IL33: variants seen among roughly 807,000 people sequenced by gnomAD.
IL33 encodes the protein interleukin-33.
In IL33, 37 loss-of-function variants were observed where a neutral mutation model predicts 27.3. The observed-to-expected ratio is 1.36, with a 90% CI of 1.04 to 1.78. The LOEUF (loss-of-function observed/expected upper bound fraction) is 1.78, where lower values mean the gene tolerates loss of function less well. IL33 is among the 40% of genes most tolerant of loss of function. The pLI, the probability that IL33 is intolerant of heterozygous loss-of-function variation, is 0.00. For synonymous variants in IL33, 132 were observed against 102.9 expected, an observed-to-expected ratio of 1.28 and a Z score of -1.71; for missense variants, 406 against 311.4, an observed-to-expected ratio of 1.30 and a Z score of -2.29.
In IL33 at chr9:6,252,856, T is replaced by C; in HGVS notation, c.344-10T>C. ...TTGTGCCTGACAAATTTTTGAATTC[T>C]TAACAACAGGAATTTCACCTATTAC... On this transcript the variant is annotated splice_polypyrimidine_tract_variant and intron_variant, in intron 4 of 7. Coordinates refer to ENST00000682010, the MANE Select transcript of IL33 (RefSeq NM_033439.4). 1 of 1,596,734 alleles carries C rather than the reference T, an allele frequency of 6.3e-7. No homozygotes were observed. Among genetic ancestry groups the C allele is most frequent in the Non-Finnish European group, 8.5e-7 (1 of 1,175,968 alleles).
At chr9:6,243,935 G>C (rs7019575) in intron 2 of IL33, among the ~76,000 whole-genome samples, 55,362 of 152,028 alleles carry the variant, frequency 0.36, 11,256 homozygotes, top group East Asian at 0.48. Context: ...TTTGACTGTG[G>C]TTTCTGAACA....
At position 6,252,926 on chromosome 9, in the gene IL33, C is replaced by G; in HGVS notation, c.404C>G (p.Thr135Ser). Residue 135 changes from threonine to serine, a missense_variant, in exon 5 of 8, where the codon ACT (threonine) becomes AGT (serine). Physicochemically the swap from Thr to Ser is moderately conservative, Grantham distance 58. Coordinates refer to ENST00000682010, the MANE Select transcript of IL33 (RefSeq NM_033439.4). ...SLSTYNDQSI[T>S]FALEDESYEI... is the part of the protein sequence containing the mutation. ...AGCACATACAATGATCAATCCATTA[C>G]TTTTGCTTTGGAGGATGAAAGTTAT... The G allele has an allele frequency of 6.2e-7, 1 of 1,602,516 alleles. No individual in the cohort carries two copies. The highest frequency in any genetic ancestry group is 8.5e-7 in the Non-Finnish European group (1 of 1,171,026).
chr9:6,255,515 G>A (rs1816674090), intron 7 of IL33, among the ~76,000 whole-genome samples: 1 of 151,954 alleles, frequency 6.6e-6, no homozygotes, highest in Non-Finnish European at 1.5e-5. Flanking sequence ...GTCAACTGTT[G>A]CTATGTAACA....
At chr9:6,217,232 A>G (rs7850282) in intron 1 of IL33, among the ~76,000 whole-genome samples, 2,974 of 152,178 alleles carry the variant, frequency 0.02, 89 homozygotes, top group African/African-American at 0.067. Flanking sequence ...TAGTGATGTT[A>G]TTTACAGTAG....
At chr9:6,244,549 G>A (rs1819711230) in intron 2 of IL33, among the ~76,000 whole-genome samples, 1 of 152,154 alleles carries the variant, frequency 6.6e-6, no homozygotes, top group Non-Finnish European at 1.5e-5. Context: ...AAAATAATGT[G>A]AATGTCTGCT....
chr9:6,229,835 T>C (rs956501776), intron 1 of IL33, among the ~76,000 whole-genome samples: 2 of 152,112 alleles, frequency 1.3e-5, no homozygotes, highest in Non-Finnish European at 2.9e-5. Flanking sequence ...TTATTATATA[T>C]ATAATAGATA....
At chr9:6,221,447 G>C (rs1818407911) in intron 1 of IL33, among the ~76,000 whole-genome samples, 1 of 152,126 alleles carries the variant, frequency 6.6e-6, no homozygotes, top group Non-Finnish European at 1.5e-5. Context: ...TATGTCAAGT[G>C]GAAGAATTTC....
intron 1 of IL33, among the ~76,000 whole-genome samples, chr9:6,231,914 G>A (rs1054280316): frequency 1.3e-5 from 2 of 152,202 alleles, no homozygotes; most frequent in East Asian, 3.9e-4. Context: ...TCCACAATGA[G>A]TATGCATTTT....
intron 1 of IL33, among the ~76,000 whole-genome samples, chr9:6,218,135 C>A (rs1217142724): frequency 6.6e-6 from 1 of 152,170 alleles, no homozygotes; most frequent in Admixed American, 6.5e-5. Context: ...CAGTTAAGAA[C>A]TTCTAGCACA....
At chr9:6,246,199 A>C (rs1819841192) in intron 2 of IL33, among the ~76,000 whole-genome samples, 1 of 151,982 alleles carries the variant, frequency 6.6e-6, no homozygotes, top group South Asian at 2.1e-4. Context: ...TTTTTATTAT[A>C]AGGACTGCCA....
chr9:6,246,456 G>A (rs1489989058), intron 2 of IL33, among the ~76,000 whole-genome samples: 1 of 152,106 alleles, frequency 6.6e-6, no homozygotes, highest in African/African-American at 2.4e-5. Flanking sequence ...CAGCTACTCA[G>A]GAAGCTGAGG....
At chr9:6,216,507 G>A (rs1164713306) in intron 1 of IL33, among the ~76,000 whole-genome samples, 4 of 152,152 alleles carry the variant, frequency 2.6e-5, no homozygotes, top group Admixed American at 2.6e-4. Flanking sequence ...GGCCGAGGTG[G>A]GTGAATCGCC....
At chr9:6,249,956 T>G (rs527525643) in intron 2 of IL33, among the ~76,000 whole-genome samples, 1 of 152,186 alleles carries the variant, frequency 6.6e-6, no homozygotes, top group African/African-American at 2.4e-5. Context: ...AAAAGTGTTC[T>G]AGACAAGGAG....
intron 1 of IL33, among the ~76,000 whole-genome samples, chr9:6,217,033 T>C (rs138374691): frequency 5.9e-5 from 9 of 152,206 alleles, no homozygotes; most frequent in Admixed American, 1.3e-4. Context: ...CAAGGTTAGT[T>C]TGATGGGCAA....
chr9:6,221,582 A>C lies in IL33; in HGVS notation c.-12+5730A>C, dbSNP rs191527243. Among the ~76,000 whole-genome samples the C allele has an allele frequency of 7.9e-5, 12 of 152,306 alleles. No individual in the cohort carries two copies. The East Asian group carries it at 2.3e-3, about 29-fold the overall frequency. On this transcript the variant is annotated intron_variant, in intron 1 of 7. Coordinates refer to ENST00000682010, the MANE Select transcript of IL33 (RefSeq NM_033439.4). ...ATATTTCTTAATTCATAAAAGTATA[A>C]AACTTAGAAGTCTATTATTTTGTCA...
At position 6,253,581 on chromosome 9, in the gene IL33, C is replaced by T; in HGVS notation, c.499C>T (p.Gln167Ter). Residue 167 changes from glutamine to a stop codon, truncating the protein, a stop_gained, in exon 6 of 8, where the codon CAA becomes TAA. Coordinates refer to ENST00000682010, the MANE Select transcript of IL33 (RefSeq NM_033439.4). LOFTEE classifies it high-confidence loss of function. ...DKVLLSYYES[Q>*]HPSNESGDGV... ...GGTGTTACTGAGTTACTATGAGTCT[C>T]AACACCCCTCAAATGAATCAGGTAA... 2 of 1,608,880 alleles carry T rather than the reference C, an allele frequency of 1.2e-6. No homozygotes were observed. The highest frequency in any genetic ancestry group is 1.7e-6 in the Non-Finnish European group (2 of 1,176,306).
chr9:6,221,319 A>G (rs1448666972), intron 1 of IL33, among the ~76,000 whole-genome samples: 1 of 152,240 alleles, frequency 6.6e-6, no homozygotes, highest in East Asian at 1.9e-4. Context: ...ATAAAAAATT[A>G]GATGCTATTA....
chr9:6,223,682 A>G (rs997573512), intron 1 of IL33, among the ~76,000 whole-genome samples: 1 of 152,204 alleles, frequency 6.6e-6, no homozygotes, highest in South Asian at 2.1e-4. Flanking sequence ...GAAAAAGTCA[A>G]TGCAGATTAT....
At chr9:6,242,770 T>C (rs958627506) in intron 2 of IL33, 29 of 152,272 alleles carry the variant, frequency 1.9e-4, no homozygotes. Flanking sequence ...TGCCAGTAAT[T>C]ATTCTCTGGG....
Sources: allele counts gnomAD v4.1 joint callset (sites outside exome capture counted in the v4.1 genomes callset), GRCh38; gene constraint gnomAD v4.1.1; transcripts MANE v1.5; gene names NCBI Gene and HGNC (gene_info 2026-07-23, HGNC 2026-07-21).